Variants in TRPM3 observed in about 807,000 individuals in gnomAD.
TRPM3 encodes long transient receptor potential channel 3.
A neutral mutation model predicts 181.2 loss-of-function variants in TRPM3; 77 were observed. The observed-to-expected ratio is 0.42, with a 90% CI of 0.35 to 0.51. The LOEUF (loss-of-function observed/expected upper bound fraction) is 0.51, where lower values mean the gene tolerates loss of function less well. Among genes scored for constraint, TRPM3 ranks in the 20% least tolerant of loss-of-function variants. The pLI is 0.01. For missense variants in TRPM3, 1,759 were observed against 2,196.7 expected (o/e 0.80, Z 3.98); for synonymous variants, 745 against 796.4 (o/e 0.94, Z 1.09).
intron 9 of TRPM3, among the ~76,000 whole-genome samples, chr9:70,642,955 A>T (rs987853804): frequency 2.0e-5 from 3 of 152,174 alleles, no homozygotes; most frequent in Non-Finnish European, 2.9e-5. Context: ...AAGGCCCTCA[A>T]GAGCTGTGGT....
intron 1 of TRPM3, among the ~76,000 whole-genome samples, chr9:71,328,122 G>A (rs1413848087): frequency 1.3e-5 from 2 of 151,598 alleles, no homozygotes; most frequent in African/African-American, 4.8e-5. Context: ...GAAGCCAAAG[G>A]GTCTCCAACC....
At chr9:71,275,525 T>A (rs2084134144) in intron 1 of TRPM3, among the ~76,000 whole-genome samples, 1 of 152,170 alleles carries the variant, frequency 6.6e-6, no homozygotes, top group South Asian at 2.1e-4. Context: ...TGCGTGTGTG[T>A]GTATGTGTGT....
rs1264884768 is a variant in TRPM3 at position 70,598,478 on chromosome 9, G to C, written c.2989C>G (p.Leu997Val). Reference protein sequence around the residue: ...VNIIYWYIRLLDIFGVNKYLG... With the variant: ...VNIIYWYIRLVDIFGVNKYLG... ...TACTTGTTCACGCCGAAGATGTCTA[G>C]GAGACGGATATACCAGTAAATGATG... The change falls in exon 21 of 26, where the codon CTA becomes GTA. Residue 997 changes from leucine (L) to valine (V), a missense_variant. Around this residue, in one of 8 missense-constraint regions of TRPM3, gnomAD observed 94 missense variants for 221.3 expected, o/e 0.42. Transcript: ENST00000677713. 1 of 1,614,182 alleles carries C rather than the reference G, an allele frequency of 6.2e-7. No homozygotes were observed. Among genetic ancestry groups the C allele is most frequent in the Non-Finnish European group, 8.5e-7 (1 of 1,180,040 alleles).
chr9:70,862,794 A>G (rs956238962), intron 3 of TRPM3, 114 bp downstream of exon 3: 18 of 1,021,370 alleles, frequency 1.8e-5, no homozygotes, highest in Non-Finnish European at 2.6e-5. Context: ...CTCATCAGAC[A>G]GTGGCAGAGT....
intron 1 of TRPM3, among the ~76,000 whole-genome samples, chr9:70,988,460 CAGTT>C (rs997101262): frequency 2.0e-5 from 3 of 152,100 alleles, no homozygotes; most frequent in Non-Finnish European, 2.9e-5. Context: ...AAACCTAAGA[CAGTT>C]AGTTCCCTAC....
chr9:70,776,748 T>G (rs565729336), intron 7 of TRPM3, among the ~76,000 whole-genome samples: 3 of 152,254 alleles, frequency 2.0e-5, no homozygotes, highest in East Asian at 3.9e-4. Flanking sequence ...AAGACAAAAT[T>G]TGGCAGAAGG....
At chr9:70,918,724 C>A (rs1175862546) in intron 1 of TRPM3, among the ~76,000 whole-genome samples, 1 of 151,760 alleles carries the variant, frequency 6.6e-6, no homozygotes, top group African/African-American at 2.4e-5. Context: ...AAAGTAAGAG[C>A]AAAGCAAACC....
chr9:71,184,197 T>C (rs989981389), intron 1 of TRPM3, among the ~76,000 whole-genome samples: 2 of 152,098 alleles, frequency 1.3e-5, no homozygotes, highest in African/African-American at 4.8e-5. Flanking sequence ...ATATTGCTAT[T>C]ACCTAAGAAC....
In TRPM3 at chr9:71,418,648, A is replaced by T. The variant is rs550860593; in HGVS notation, c.183+28005T>A. On this transcript the variant is annotated intron_variant, in intron 1 of 24. Coordinates refer to the TRPM3 transcript ENST00000357533. ...CAATCATCACTAGTGATATCAGAAA[A>T]GTTAAATATCTCAATCTATGAAACT... is the stretch of plus-strand genomic sequence containing the variant. Among the ~76,000 whole-genome samples the T allele has an allele frequency of 3.3e-4, 50 of 151,610 alleles. 1 individual carries two copies. In the South Asian group the frequency reaches 3.9e-3, roughly 12 times the overall value.
In TRPM3 at chr9:71,254,779, T is replaced by C. The variant is rs187606738; in HGVS notation, c.183+191874A>G. Among the ~76,000 whole-genome samples the C allele has an allele frequency of 6.2e-4, 94 of 151,458 alleles. 1 individual carries two copies. In the East Asian group the frequency reaches 0.016, roughly 26 times the overall value. ...TAACCTTTATGTGTACATGATAAGATCAAACATAATGCAATCTCTAAAGTA... is the reference window on the plus strand; with the variant it reads ...TAACCTTTATGTGTACATGATAAGACCAAACATAATGCAATCTCTAAAGTA... On this transcript the variant is annotated intron_variant, in intron 1 of 24. Transcript: ENST00000357533.
intron 1 of TRPM3, among the ~76,000 whole-genome samples, chr9:71,215,047 C>CAAAAAAAAAAAAAAAAAA (rs72383590): frequency 3.6e-5 from 4 of 112,546 alleles, no homozygotes; most frequent in Admixed American, 8.9e-5. Flanking sequence ...AAAAAAAAAA[C>CAAAAAAAAAAAAAAAAAA]AAAAAAAAAA....
intron 1 of TRPM3, among the ~76,000 whole-genome samples, chr9:71,421,198 C>T (rs1195197552): frequency 6.6e-6 from 1 of 151,718 alleles, no homozygotes; most frequent in African/African-American, 2.4e-5. Context: ...AAAATAGGCA[C>T]TGGGGACTAC....
chr9:71,420,652 A>G (rs577919115), intron 1 of TRPM3, among the ~76,000 whole-genome samples: 6 of 92,168 alleles, frequency 6.5e-5, no homozygotes, highest in East Asian at 2.1e-4. Flanking sequence ...AGAGAAAGAG[A>G]AAGAAAAAGA....
chr9:71,026,418 GC>G (rs1203868536), intron 1 of TRPM3, among the ~76,000 whole-genome samples: 1 of 152,146 alleles, frequency 6.6e-6, no homozygotes, highest in Non-Finnish European at 1.5e-5. Context: ...CAGCAGAGCA[GC>G]CCCGATGAAC....
chr9:71,391,534 T>C (rs571413497), intron 1 of TRPM3, among the ~76,000 whole-genome samples: 256 of 152,176 alleles, frequency 1.7e-3, no homozygotes, highest in African/African-American at 5.8e-3. Context: ...TTAAGCTCAA[T>C]TTATAAATAC....
chr9:71,204,941 T>A (rs1349450705), intron 1 of TRPM3, among the ~76,000 whole-genome samples: 1 of 152,120 alleles, frequency 6.6e-6, no homozygotes. Context: ...GAAACCATCA[T>A]TCTCCGTAAA....
At chr9:70,654,749 C>G (rs1433487953) in intron 9 of TRPM3, among the ~76,000 whole-genome samples, 2 of 149,914 alleles carry the variant, frequency 1.3e-5, no homozygotes, top group Non-Finnish European at 3.0e-5. Flanking sequence ...GTGGCGCGAT[C>G]TTGGCTCACT....
chr9:70,776,523 ATAAG>A (rs1418813608), intron 7 of TRPM3: 2 of 692,460 alleles, frequency 2.9e-6, no homozygotes, highest in African/African-American at 3.6e-5. Flanking sequence ...AAACAAGGAA[ATAAG>A]TAAACTGAAT....
intron 1 of TRPM3, among the ~76,000 whole-genome samples, chr9:71,205,892 T>C (rs977091728): frequency 6.6e-6 from 1 of 152,094 alleles, no homozygotes; most frequent in South Asian, 2.1e-4. Context: ...TCAGCACAAA[T>C]GAAAGTGTGA....
Sources: gnomAD v4.1 joint callset for allele counts (sites outside exome capture counted in the v4.1 genomes callset) on GRCh38, gnomAD v4.1.1 for gene constraint, gnomAD v4.1.1 regional missense constraint, MANE v1.5 for transcripts, NCBI Gene and HGNC (gene_info 2026-07-23, HGNC 2026-07-21) for gene names.